DPP10: variants seen among roughly 807,000 people sequenced by gnomAD.
DPP10 encodes inactive dipeptidyl peptidase 10.
DPP10 carries 33 observed loss-of-function variants against 120.9 expected under a neutral mutation model. That is an observed-to-expected ratio of 0.27 (90% CI 0.21 to 0.37). DPP10 has a LOEUF of 0.37. Among genes scored for constraint, DPP10 ranks in the 10% least tolerant of loss-of-function variants. The pLI, the probability that DPP10 is intolerant of heterozygous loss-of-function variation, is 1.00. For synonymous variants in DPP10, 337 were observed against 326.1 expected, an observed-to-expected ratio of 1.03 and a Z score of -0.36; for missense variants, 816 against 942.8, an observed-to-expected ratio of 0.87 and a Z score of 1.76.
intron 1 of DPP10, among the ~76,000 whole-genome samples, chr2:114,779,648 C>G (rs905373973): frequency 2.6e-5 from 4 of 152,082 alleles, no homozygotes; most frequent in Non-Finnish European, 4.4e-5. Flanking sequence ...TGTTCATGAC[C>G]AGCCCTGACC....
intron 1 of DPP10, among the ~76,000 whole-genome samples, chr2:115,100,662 A>G (rs2048649638): frequency 1.3e-5 from 2 of 152,082 alleles, no homozygotes; most frequent in Non-Finnish European, 2.9e-5. Context: ...GGCATATGAA[A>G]TATGCTGACT....
chr2:115,784,067 C>A (rs1190867806), intron 17 of DPP10, among the ~76,000 whole-genome samples: 1 of 152,140 alleles, frequency 6.6e-6, no homozygotes, highest in Non-Finnish European at 1.5e-5. Flanking sequence ...ACTTCTGCTG[C>A]AAATTACAAA....
intron 1 of DPP10, among the ~76,000 whole-genome samples, chr2:115,244,841 A>ATATACATAT (rs1035178460): frequency 7.1e-6 from 1 of 141,774 alleles, no homozygotes; most frequent in Non-Finnish European, 1.5e-5. Flanking sequence ...GCACATATAT[A>ATATACATAT]TATACATATA....
intron 1 of DPP10, among the ~76,000 whole-genome samples, chr2:114,447,750 T>C (rs1678025916): frequency 6.6e-6 from 1 of 152,216 alleles, no homozygotes; most frequent in Non-Finnish European, 1.5e-5. Flanking sequence ...CACTTCCATT[T>C]AGCAAGGTAC....
chr2:115,237,223 T>G (rs769055315), intron 1 of DPP10, among the ~76,000 whole-genome samples: 1 of 150,064 alleles, frequency 6.7e-6, no homozygotes, highest in Non-Finnish European at 1.5e-5. Context: ...TTGGGAAATC[T>G]CAGAATATTT....
At chr2:114,730,835 C>T (rs1574060396) in intron 1 of DPP10, among the ~76,000 whole-genome samples, 1 of 152,104 alleles carries the variant, frequency 6.6e-6, no homozygotes, top group African/African-American at 2.4e-5. Flanking sequence ...GGCAATCCAA[C>T]TGCCTTGGCC....
At chr2:114,895,794 G>T (rs989957206) in intron 1 of DPP10, among the ~76,000 whole-genome samples, 2 of 152,068 alleles carry the variant, frequency 1.3e-5, no homozygotes, top group African/African-American at 2.4e-5. Flanking sequence ...CCTTTCTCAC[G>T]TTTACTAACT....
chr2:115,088,768 A>AAAAAAAAAAAACAAAAC (rs775985067), intron 1 of DPP10, among the ~76,000 whole-genome samples: 2 of 134,830 alleles, frequency 1.5e-5, no homozygotes, highest in East Asian at 4.5e-4. Flanking sequence ...AAAAAAAAAA[A>AAAAAAAAAAAACAAAAC]ACCAAAAAAC....
At chr2:115,325,506 G>A (rs2062307925) in intron 2 of DPP10, among the ~76,000 whole-genome samples, 1 of 152,072 alleles carries the variant, frequency 6.6e-6, no homozygotes, top group African/African-American at 2.4e-5. Flanking sequence ...ACACAATAAA[G>A]TACGTTCAGT....
intron 1 of DPP10, among the ~76,000 whole-genome samples, chr2:115,036,178 G>A (rs1163924240): frequency 6.6e-6 from 1 of 152,170 alleles, no homozygotes; most frequent in African/African-American, 2.4e-5. Context: ...TAAGTGCAAA[G>A]AGAGGAAATG....
At chr2:114,545,104 C>G (rs1409889376) in intron 1 of DPP10, among the ~76,000 whole-genome samples, 3 of 152,066 alleles carry the variant, frequency 2.0e-5, no homozygotes, top group Non-Finnish European at 4.4e-5. Flanking sequence ...CCCACTTCAG[C>G]CTTCCAAATT....
chr2:115,671,485 G>A (rs913699057), intron 5 of DPP10, among the ~76,000 whole-genome samples: 1 of 151,826 alleles, frequency 6.6e-6, no homozygotes, highest in African/African-American at 2.4e-5. Flanking sequence ...GTAGCTTTTA[G>A]CCTCAAATAG....
chr2:115,232,656 A>G (rs745866440), intron 1 of DPP10, among the ~76,000 whole-genome samples: 2 of 152,256 alleles, frequency 1.3e-5, no homozygotes, highest in Non-Finnish European at 2.9e-5. Flanking sequence ...ATCCTCACAC[A>G]AGGCAAGGGA....
At chr2:115,389,085 T>G (rs1260085727) in intron 3 of DPP10, among the ~76,000 whole-genome samples, 1 of 152,168 alleles carries the variant, frequency 6.6e-6, no homozygotes, top group African/African-American at 2.4e-5. Flanking sequence ...TCTTTTCTCC[T>G]TTGCTGCTTT....
At chr2:115,790,376 G>A (rs927064075) in intron 17 of DPP10, among the ~76,000 whole-genome samples, 3 of 152,162 alleles carry the variant, frequency 2.0e-5, no homozygotes, top group African/African-American at 7.2e-5. Flanking sequence ...ACCGCGCCCG[G>A]CCTAGAAGGC....
At chr2:114,562,710 A>G (rs923836016) in intron 1 of DPP10, among the ~76,000 whole-genome samples, 1 of 152,214 alleles carries the variant, frequency 6.6e-6, no homozygotes, top group East Asian at 1.9e-4. Context: ...CTCTGTCAAA[A>G]AAGAAGAAGA....
intron 5 of DPP10, among the ~76,000 whole-genome samples, chr2:115,538,477 G>A (rs2078995458): frequency 6.6e-6 from 1 of 151,914 alleles, no homozygotes; most frequent in Admixed American, 6.6e-5. Flanking sequence ...GAATGAGCAA[G>A]GTAGAATAGA....
chr2:115,469,396 C>T (rs2074540695), intron 3 of DPP10, among the ~76,000 whole-genome samples: 3 of 152,098 alleles, frequency 2.0e-5, no homozygotes, highest in African/African-American at 7.2e-5. Flanking sequence ...AACCACATGA[C>T]AAATTTACTG....
At chr2:115,376,054 C>T (rs988776209) in intron 3 of DPP10, among the ~76,000 whole-genome samples, 4 of 151,928 alleles carry the variant, frequency 2.6e-5, no homozygotes, top group East Asian at 3.9e-4. Context: ...ATGTTGAAAG[C>T]GGGAGCTGAT....
Sources: allele counts gnomAD v4.1 joint callset (sites outside exome capture counted in the v4.1 genomes callset), GRCh38; gene constraint gnomAD v4.1.1; transcripts MANE v1.5; gene names NCBI Gene and HGNC (gene_info 2026-07-23, HGNC 2026-07-21).